Variants in YAE1 observed in about 807,000 individuals in gnomAD.
The protein encoded by YAE1 is protein YAE1 homolog.
YAE1 carries 22 observed loss-of-function variants against 23.0 expected under a neutral mutation model. The observed-to-expected ratio is 0.96, with a 90% CI of 0.68 to 1.37. YAE1 has a LOEUF of 1.37. Ranked by LOEUF, YAE1 falls within the 40% of genes most tolerant of loss-of-function variation. The pLI is 0.00. For missense variants in YAE1, 260 were observed against 262.1 expected (o/e 0.99, Z 0.06); for synonymous variants, 101 against 97.0 (o/e 1.04, Z -0.24).
chr7:39,609,823 G>A (rs1051125753), exon 3 of YAE1: 7 of 1,531,696 alleles, frequency 4.6e-6, no homozygotes, highest in South Asian at 1.2e-5. Context: ...GCCCGGCTCC[G>A]GGCCCCAGGC....
intron 2 of YAE1, among the ~76,000 whole-genome samples, chr7:39,586,330 G>A (rs1274795882): frequency 6.7e-6 from 1 of 150,200 alleles, no homozygotes; most frequent in Admixed American, 6.6e-5. Context: ...CTGCCACCAT[G>A]CCCGGCTAAT....
chr7:39,606,307 C>T (rs556823495), intron 2 of YAE1, among the ~76,000 whole-genome samples: 1 of 152,266 alleles, frequency 6.6e-6, no homozygotes, highest in South Asian at 2.1e-4. Context: ...AATACAGAGA[C>T]ATTTTGGATT....
At chr7:39,599,940 A>G (rs571511724) in intron 2 of YAE1, among the ~76,000 whole-genome samples, 1 of 152,224 alleles carries the variant, frequency 6.6e-6, no homozygotes, top group South Asian at 2.1e-4. Context: ...TGATATTTGC[A>G]TAGTATTCAA....
At chr7:39,575,551 AGAGAGAGAGAGAGAGAGAGAGAGAGAGT>A (rs1790641463), downstream of YAE1, among the ~76,000 whole-genome samples, 2 of 128,142 alleles carry the variant, frequency 1.6e-5, no homozygotes, top group African/African-American at 8.2e-5. Context: ...AGAGAGAGAG[AGAGAGAGAGAGAGAGAGAGAGAGAGAGT>A]GAGTGTGTGT....
At chr7:39,597,678 A>G (rs1790995758) in intron 2 of YAE1, among the ~76,000 whole-genome samples, 1 of 152,190 alleles carries the variant, frequency 6.6e-6, no homozygotes. Context: ...TGGGTTTTTA[A>G]TAGTAGCGGT....
At chr7:39,568,847 T>C (rs1790517291) in intron 1 of YAE1, among the ~76,000 whole-genome samples, 2 of 152,198 alleles carry the variant, frequency 1.3e-5, no homozygotes, top group Non-Finnish European at 2.9e-5. Flanking sequence ...TAATGTAAGG[T>C]AGTTTTTATT....
chr7:39,593,822 T>C (rs1288608993), intron 2 of YAE1, among the ~76,000 whole-genome samples: 1 of 152,240 alleles, frequency 6.6e-6, no homozygotes, highest in Admixed American at 6.5e-5. Flanking sequence ...ATTTAAATTA[T>C]GTTTTCTTTT....
downstream of YAE1, among the ~76,000 whole-genome samples, chr7:39,574,008 G>A (rs560762897): frequency 6.6e-6 from 1 of 152,160 alleles, no homozygotes; most frequent in African/African-American, 2.4e-5. Flanking sequence ...TGGAATATGG[G>A]TATTATAAGC....
intron 2 of YAE1, among the ~76,000 whole-genome samples, chr7:39,571,916 C>A (rs368633948): frequency 2.0e-5 from 3 of 152,212 alleles, no homozygotes; most frequent in African/African-American, 7.2e-5. Flanking sequence ...AAAAAAGATA[C>A]CCCCTGAGAT....
At chr7:39,607,069 C>T (rs11973777) in intron 2 of YAE1, among the ~76,000 whole-genome samples, 4,314 of 152,218 alleles carry the variant, frequency 0.028, 210 homozygotes, top group African/African-American at 0.096. Context: ...GTCAAGTATT[C>T]GCTACATAAT....
chr7:39,569,911 T>A, intron 1 of YAE1: 2 of 1,197,610 alleles, frequency 1.7e-6, no homozygotes, highest in Non-Finnish European at 2.5e-6. Flanking sequence ...AGAACAGTTA[T>A]TGTAAACTGT....
At chr7:39,575,577 A>AGAGAGTGAGTGAGTGAGTGT (rs1173016799), downstream of YAE1, among the ~76,000 whole-genome samples, 2 of 80,208 alleles carry the variant, frequency 2.5e-5, no homozygotes, top group African/African-American at 1.7e-4. Flanking sequence ...AGAGAGAGAG[A>AGAGAGTGAGTGAGTGAGTGT]GTGAGTGTGT....
downstream of YAE1, among the ~76,000 whole-genome samples, chr7:39,575,577 A>AGAGAGAGAGAGAGTGTGT (rs1173016799): frequency 2.2e-4 from 18 of 80,272 alleles, no homozygotes; most frequent in East Asian, 4.0e-3. Flanking sequence ...AGAGAGAGAG[A>AGAGAGAGAGAGAGTGTGT]GTGAGTGTGT....
At chr7:39,605,264 G>T (rs1043131770) in intron 2 of YAE1, among the ~76,000 whole-genome samples, 1 of 152,264 alleles carries the variant, frequency 6.6e-6, no homozygotes, top group African/African-American at 2.4e-5. Context: ...AGCTGTGATG[G>T]TTAATTTTAT....
At chr7:39,608,241 A>G (rs2115858234) in intron 2 of YAE1, among the ~76,000 whole-genome samples, 1 of 152,352 alleles carries the variant, frequency 6.6e-6, no homozygotes, top group East Asian at 1.9e-4. Flanking sequence ...CTATAGTTCT[A>G]AAGCCTTTCA....
chr7:39,572,384 A>G lies in YAE1; in HGVS notation c.359A>G (p.His120Arg), dbSNP rs1707879542. The G allele has an allele frequency of 6.2e-7, 1 of 1,614,052 alleles. No homozygotes were observed. The highest frequency in any genetic ancestry group is 8.5e-7 in the Non-Finnish European group (1 of 1,179,994). ...VGQCEEYVLK[H>R]LKSITPPSHV... ...CAGTGTGAAGAGTATGTGCTCAAAC[A>G]TCTGAAATCAATCACTCCACCGTCC... The change falls in exon 3 of 3, where the codon CAT becomes CGT. Residue 120 changes from histidine to arginine, a missense_variant. By Grantham distance (29) the His-to-Arg change is conservative (BLOSUM62 0). Transcript: ENST00000223273.
chr7:39,588,391 A>C (rs1219419444), intron 2 of YAE1, among the ~76,000 whole-genome samples: 4 of 152,014 alleles, frequency 2.6e-5, no homozygotes, highest in Non-Finnish European at 1.5e-5. Context: ...GTGTGCCTGT[A>C]ATCCCAGCTA....
intron 2 of YAE1, among the ~76,000 whole-genome samples, chr7:39,585,935 T>C (rs1207504230): frequency 6.6e-6 from 1 of 151,998 alleles, no homozygotes; most frequent in Admixed American, 6.6e-5. Context: ...AAACCTCATC[T>C]CTACAAAAAA....
intron 2 of YAE1, among the ~76,000 whole-genome samples, chr7:39,600,100 A>G (rs536020905): frequency 6.6e-6 from 1 of 152,278 alleles, no homozygotes; most frequent in South Asian, 2.1e-4. Flanking sequence ...GAGAGTAAGG[A>G]CCGTATCCAA....
Sources: allele counts gnomAD v4.1 joint callset (sites outside exome capture counted in the v4.1 genomes callset), GRCh38; gene constraint gnomAD v4.1.1; transcripts MANE v1.5; gene names NCBI Gene and HGNC (gene_info 2026-07-23, HGNC 2026-07-21).